FOXO3: variants seen among roughly 807,000 people sequenced by gnomAD.
The protein encoded by FOXO3 is forkhead box protein O3.
In FOXO3, 4 loss-of-function variants were observed where a neutral mutation model predicts 41.9. The observed-to-expected ratio is 0.10, with a 90% confidence interval of 0.05 to 0.22. The LOEUF (loss-of-function observed/expected upper bound fraction) is 0.22, where lower values mean the gene tolerates loss of function less well. Ranked by LOEUF, FOXO3 falls within the 10% of genes least tolerant of loss-of-function variation. The pLI, the probability that FOXO3 is intolerant of heterozygous loss-of-function variation, is 1.00. For synonymous variants in FOXO3, 318 were observed against 389.3 expected (o/e 0.82, Z 2.16); for missense variants, 534 against 906.8 (o/e 0.59, Z 5.28).
At chr6:108,620,858 G>A (rs1429479063) in intron 1 of FOXO3, among the ~76,000 whole-genome samples, 1 of 152,098 alleles carries the variant, frequency 6.6e-6, no homozygotes, top group African/African-American at 2.4e-5. Flanking sequence ...TTATTGAATA[G>A]TGTTTTATTG....
chr6:108,666,328 T>TTTTCTA (rs1779058464), intron 2 of FOXO3, among the ~76,000 whole-genome samples: 1 of 150,988 alleles, frequency 6.6e-6, no homozygotes, highest in South Asian at 2.1e-4. Context: ...ATTTCTTTTT[T>TTTTCTA]TTTCTTTTTC....
At chr6:108,672,070 C>T (rs1016504902) in intron 2 of FOXO3, among the ~76,000 whole-genome samples, 13 of 152,186 alleles carry the variant, frequency 8.5e-5, no homozygotes, top group African/African-American at 3.1e-4. Context: ...TTTTCAGCTG[C>T]CTTAGAGCCT....
chr6:108,590,890 G>A (rs1004293011), intron 1 of FOXO3, among the ~76,000 whole-genome samples: 3 of 152,146 alleles, frequency 2.0e-5, no homozygotes, highest in Admixed American at 6.5e-5. Flanking sequence ...TGGAGATAAC[G>A]TTAGAGCTCA....
intron 1 of FOXO3, among the ~76,000 whole-genome samples, chr6:108,573,507 C>G (rs142677120): frequency 1.2e-3 from 184 of 152,176 alleles, no homozygotes; most frequent in Non-Finnish European, 2.2e-3. Context: ...TAGGCTCCTT[C>G]CCTTGATTTT....
chr6:108,641,350 G>T (rs1778252138), intron 1 of FOXO3, among the ~76,000 whole-genome samples: 1 of 152,152 alleles, frequency 6.6e-6, no homozygotes, highest in South Asian at 2.1e-4. Flanking sequence ...TAGTGCTTTT[G>T]AAAGAAATCA....
intron 1 of FOXO3, among the ~76,000 whole-genome samples, chr6:108,567,390 C>G (rs2253310): frequency 0.5 from 76,753 of 152,036 alleles, 21,478 homozygotes; most frequent in East Asian, 0.69. Context: ...CTGGACTGAT[C>G]TGGGATCCCC....
intron 1 of FOXO3, among the ~76,000 whole-genome samples, chr6:108,585,020 A>ATTTTT (rs1562233938): frequency 8.1e-4 from 35 of 43,380 alleles, no homozygotes; most frequent in South Asian, 1.3e-3. Flanking sequence ...TATCTCCAAA[A>ATTTTT]TCTTTTTTTT....
In FOXO3 at chr6:108,586,285, T is replaced by C. The variant is rs372508207; in HGVS notation, c.621+24456T>C. 3.1e-4 allele frequency among the ~76,000 whole-genome samples: 47 copies of C among 152,322 alleles called. 1 individual carries two copies. The South Asian group carries it at 7.7e-3, about 25-fold the overall frequency. On this transcript the variant is annotated intron_variant, in intron 1 of 2. Coordinates refer to ENST00000406360, the MANE Select transcript of FOXO3 (RefSeq NM_001455.4). ...AGGGACATAAGATTAGCTTCCAAACTTATGTTATGCCTTTAAATGAAAACA... is the reference window on the plus strand; with the variant it reads ...AGGGACATAAGATTAGCTTCCAAACCTATGTTATGCCTTTAAATGAAAACA...
intron 1 of FOXO3, among the ~76,000 whole-genome samples, chr6:108,599,883 C>T (rs922382629): frequency 6.6e-6 from 1 of 152,192 alleles, no homozygotes; most frequent in Non-Finnish European, 1.5e-5. Flanking sequence ...CAGAATAGAA[C>T]CACATTTCAG....
At chr6:108,591,500 A>G (rs531412583) in intron 1 of FOXO3, among the ~76,000 whole-genome samples, 1 of 152,334 alleles carries the variant, frequency 6.6e-6, no homozygotes, top group Non-Finnish European at 1.5e-5. Context: ...ATTCTAAATC[A>G]TCGGGAAAAA....
At position 108,616,156 on chromosome 6, in the gene FOXO3, G is replaced by GTTTTTTTTT. The variant is rs35632295; in HGVS notation, c.622-47281_622-47273dup. 1.3e-3 allele frequency among the ~76,000 whole-genome samples: 73 copies of GTTTTTTTTT among 55,158 alleles called. 2 individuals carry two copies. Among genetic ancestry groups the GTTTTTTTTT allele is most frequent in the Non-Finnish European group, 1.6e-3 (47 of 29,284 alleles). 36.2% of individuals were successfully genotyped at this position (55,158 alleles called of 152,430 possible). A position where few individuals can be genotyped will look rare whatever the true frequency, so the allele number is the denominator to read the frequency against. On this transcript the variant is annotated intron_variant, in intron 1 of 2. Coordinates refer to ENST00000406360, the MANE Select transcript of FOXO3 (RefSeq NM_001455.4). ...GTATGTGCCATCACGCCCAACTAAG[G>GTTTTTTTTT]TTTTTTTTTTTTTTTTTTTTTTTTT...
intron 1 of FOXO3, among the ~76,000 whole-genome samples, chr6:108,652,379 AT>A (rs1778569300): frequency 6.6e-6 from 1 of 152,192 alleles, no homozygotes; most frequent in Admixed American, 6.5e-5. Flanking sequence ...ATGGCTTATC[AT>A]TTTTCCACAT....
In FOXO3 at chr6:108,564,436, CCA is replaced by C. The variant is rs538006024; in HGVS notation, c.621+2611_621+2612del. On this transcript the variant is annotated intron_variant, in intron 1 of 2. Transcript: ENST00000406360. ...TTGGAAGCACGCATGTGCATTTAAA[CCA>C]CACTACTTTCATTCTGAGTAATGTA... Among the ~76,000 whole-genome samples the C allele has an allele frequency of 1.8e-3, 271 of 152,320 alleles. 3 individuals are homozygous for C. Among genetic ancestry groups the C allele is most frequent in the African/African-American group, 6.2e-3 (259 of 41,574 alleles).
intron 1 of FOXO3, among the ~76,000 whole-genome samples, chr6:108,581,885 C>T (rs1455944211): frequency 2.0e-5 from 3 of 152,088 alleles, no homozygotes; most frequent in Non-Finnish European, 4.4e-5. Context: ...ATCTGTGGCT[C>T]GCTGCCAAGA....
chr6:108,601,153 A>T (rs1459386404), intron 1 of FOXO3, among the ~76,000 whole-genome samples: 1 of 150,838 alleles, frequency 6.6e-6, no homozygotes, highest in Non-Finnish European at 1.5e-5. Flanking sequence ...GACTACAGGC[A>T]CCTGCCACCA....
intron 1 of FOXO3, among the ~76,000 whole-genome samples, chr6:108,584,383 A>G (rs1263467018): frequency 6.6e-6 from 1 of 152,176 alleles, no homozygotes; most frequent in African/African-American, 2.4e-5. Flanking sequence ...TGATAAAAGT[A>G]TTACTGTAAT....
intron 2 of FOXO3, among the ~76,000 whole-genome samples, chr6:108,678,195 C>T (rs1770694061): frequency 6.6e-6 from 1 of 152,210 alleles, no homozygotes; most frequent in Non-Finnish European, 1.5e-5. Flanking sequence ...AGTTACAGTA[C>T]ACTCATGAGA....
chr6:108,662,451 T>C (rs1778896392), intron 1 of FOXO3, among the ~76,000 whole-genome samples: 2 of 152,198 alleles, frequency 1.3e-5, no homozygotes, highest in Admixed American at 6.5e-5. Context: ...GACAGGCAAG[T>C]GTCTATATAA....
At chr6:108,579,144 A>G (rs1376581192) in intron 1 of FOXO3, among the ~76,000 whole-genome samples, 2 of 151,856 alleles carry the variant, frequency 1.3e-5, no homozygotes, top group Admixed American at 6.6e-5. Flanking sequence ...ACAAAACAAA[A>G]CAAACTCCAG....
Sources: allele counts gnomAD v4.1 joint callset (sites outside exome capture counted in the v4.1 genomes callset), GRCh38; gene constraint gnomAD v4.1.1; transcripts MANE v1.5; gene names NCBI Gene and HGNC (gene_info 2026-07-23, HGNC 2026-07-21).